Variants in ANKS1B observed in about 807,000 individuals in gnomAD.
ANKS1B encodes the protein ankyrin repeat and sterile alpha motif domain-containing protein 1B.
In ANKS1B, 36 loss-of-function variants were observed where a neutral mutation model predicts 148.3. The ratio of observed to expected loss-of-function variants is 0.24; its 90% confidence interval spans 0.19 to 0.32. ANKS1B has a LOEUF of 0.32. ANKS1B is among the 10% of genes least tolerant of loss of function. The pLI is 1.00. For missense variants in ANKS1B, 1,157 were observed against 1,542.6 expected (o/e 0.75, Z 4.19); for synonymous variants, 542 against 560.8 (o/e 0.97, Z 0.47).
intron 9 of ANKS1B, among the ~76,000 whole-genome samples, chr12:99,549,918 C>T (rs549217962): frequency 6.6e-6 from 1 of 152,194 alleles, no homozygotes; most frequent in Non-Finnish European, 1.5e-5. Context: ...AGCAGCTAAC[C>T]TCACTGTCCA....
At chr12:99,539,645 T>C (rs1008956389) in intron 9 of ANKS1B, among the ~76,000 whole-genome samples, 2 of 152,154 alleles carry the variant, frequency 1.3e-5, no homozygotes, top group Admixed American at 6.5e-5. Context: ...TACTACCTTA[T>C]CAACAATTAC....
intron 1 of ANKS1B, among the ~76,000 whole-genome samples, chr12:99,860,905 GC>G (rs1461023610): frequency 2.0e-5 from 3 of 152,146 alleles, no homozygotes; most frequent in Non-Finnish European, 4.4e-5. Context: ...AACTACATTT[GC>G]CCCAAGGCTG....
chr12:98,981,422 G>A lies in ANKS1B; in HGVS notation c.2778+71735C>T, dbSNP rs747879708. On this transcript the variant is annotated intron_variant, in intron 17 of 26. Transcript: ENST00000683438. ...ACGATGTCAGCTCACTGCAACATCC[G>A]CCTCCTGGGTTCAAGGGATTCTGCT... 1.6e-4 allele frequency among the ~76,000 whole-genome samples: 25 copies of A among 152,148 alleles called. No homozygotes were observed. The East Asian group carries it at 2.1e-3, about 13-fold the overall frequency.
chr12:99,870,780 C>G (rs1435338332), intron 1 of ANKS1B, among the ~76,000 whole-genome samples: 1 of 151,982 alleles, frequency 6.6e-6, no homozygotes, highest in African/African-American at 2.4e-5. Context: ...TTGGTTTTTG[C>G]TTTTTGAAAT....
chr12:99,003,224 T>G (rs2099934070), intron 17 of ANKS1B, among the ~76,000 whole-genome samples: 2 of 152,222 alleles, frequency 1.3e-5, no homozygotes, highest in South Asian at 2.1e-4. Flanking sequence ...CAAAGTGATT[T>G]AATTATGGTT....
At chr12:99,598,240 T>C (rs184462640) in intron 9 of ANKS1B, among the ~76,000 whole-genome samples, 3 of 152,216 alleles carry the variant, frequency 2.0e-5, no homozygotes, top group East Asian at 1.9e-4. Context: ...AGTGACTTAA[T>C]AGTAGCCAGG....
chr12:99,858,922 G>T (rs981632267), intron 1 of ANKS1B, among the ~76,000 whole-genome samples: 1 of 152,054 alleles, frequency 6.6e-6, no homozygotes, highest in South Asian at 2.1e-4. Flanking sequence ...TGGGTACAGC[G>T]TACACTCCTC....
intron 8 of ANKS1B, among the ~76,000 whole-genome samples, chr12:99,674,113 A>G (rs189184334): frequency 6.6e-6 from 1 of 152,006 alleles, no homozygotes; most frequent in Admixed American, 6.6e-5. Context: ...AAAGAAATAC[A>G]TGTCAAGAGA....
chr12:99,227,806 G>A (rs187037620), intron 14 of ANKS1B, among the ~76,000 whole-genome samples: 1 of 152,220 alleles, frequency 6.6e-6, no homozygotes, highest in African/African-American at 2.4e-5. Flanking sequence ...TCAGCGTAAG[G>A]TTAATTAAGA....
intron 8 of ANKS1B, among the ~76,000 whole-genome samples, chr12:99,766,512 C>T (rs1363408237): frequency 6.6e-6 from 1 of 152,078 alleles, no homozygotes; most frequent in African/African-American, 2.4e-5. Flanking sequence ...AATGTACCTA[C>T]AGTACATACG....
intron 17 of ANKS1B, among the ~76,000 whole-genome samples, chr12:98,941,485 C>CA (rs1259244378): frequency 6.6e-6 from 1 of 152,248 alleles, no homozygotes; most frequent in Admixed American, 6.5e-5. Context: ...ATGTATGCAT[C>CA]AGCCAACTCA....
At chr12:99,414,650 G>T (rs1178121820) in intron 11 of ANKS1B, among the ~76,000 whole-genome samples, 1 of 152,150 alleles carries the variant, frequency 6.6e-6, no homozygotes, top group Non-Finnish European at 1.5e-5. Context: ...GTGGACACAG[G>T]GAGGGAAACA....
At chr12:99,818,373 T>C (rs1602857609) in intron 2 of ANKS1B, among the ~76,000 whole-genome samples, 1 of 151,948 alleles carries the variant, frequency 6.6e-6, no homozygotes, top group East Asian at 1.9e-4. Flanking sequence ...TCTGCTGCTA[T>C]AAACATGCGT....
chr12:99,664,883 G>C lies in ANKS1B; in HGVS notation c.1129-9673C>G, dbSNP rs188132937. Reference sequence around the variant, plus strand: ...CACTATCTTTTCACCACAACCATTTGTTCCACGTTAGTAAAATTCACTCAG... The same window carrying C: ...CACTATCTTTTCACCACAACCATTTCTTCCACGTTAGTAAAATTCACTCAG... On this transcript the variant is annotated intron_variant, in intron 8 of 26. Coordinates refer to ENST00000683438, the MANE Select transcript of ANKS1B (RefSeq NM_001352186.2). Among the ~76,000 whole-genome samples, 73 of 152,266 alleles carry C rather than the reference G, an allele frequency of 4.8e-4. 1 individual carries two copies. The highest frequency in any genetic ancestry group is 4.3e-3 in the Admixed American group (65 of 15,294).
At chr12:99,674,969 T>C (rs2098555532) in intron 8 of ANKS1B, among the ~76,000 whole-genome samples, 2 of 151,964 alleles carry the variant, frequency 1.3e-5, no homozygotes, top group Admixed American at 1.3e-4. Flanking sequence ...AAGATCATTT[T>C]AAAAGTAGTA....
chr12:99,722,197 A>T (rs2058153126), intron 8 of ANKS1B, among the ~76,000 whole-genome samples: 1 of 152,240 alleles, frequency 6.6e-6, no homozygotes. Context: ...AGCTAAATTG[A>T]TAAAGGTGAC....
At position 99,134,645 on chromosome 12, in the gene ANKS1B, T is replaced by A. The variant is rs12814319; in HGVS notation, c.2526+19644A>T. On this transcript the variant is annotated intron_variant, in intron 15 of 26. Transcript: ENST00000683438. Reference sequence around the variant, plus strand: ...CCCTTTCTGTCTCTCTCTCTCTCTCTCACACACACACACACACACACACAC... The same window carrying A: ...CCCTTTCTGTCTCTCTCTCTCTCTCACACACACACACACACACACACACAC... Among the ~76,000 whole-genome samples, 998 of 104,992 alleles carry A rather than the reference T, an allele frequency of 9.5e-3. 7 individuals carry two copies. The highest frequency in any genetic ancestry group is 0.015 in the Middle Eastern group (3 of 198). The allele number at this position is 104,992 out of a possible 152,430, so 68.9% of individuals were successfully genotyped here.
chr12:99,456,722 A>T (rs1162677448), intron 10 of ANKS1B, among the ~76,000 whole-genome samples: 1 of 152,148 alleles, frequency 6.6e-6, no homozygotes, highest in African/African-American at 2.4e-5. Flanking sequence ...ATAAAGACAA[A>T]GAAAATTTTT....
At chr12:99,375,068 C>T (rs908220460) in intron 12 of ANKS1B, among the ~76,000 whole-genome samples, 1 of 152,170 alleles carries the variant, frequency 6.6e-6, no homozygotes, top group Non-Finnish European at 1.5e-5. Flanking sequence ...ATCACCTTAT[C>T]TTAAAGGCTA....
Sources: allele counts gnomAD v4.1 joint callset (sites outside exome capture counted in the v4.1 genomes callset), GRCh38; gene constraint gnomAD v4.1.1; transcripts MANE v1.5; gene names NCBI Gene and HGNC (gene_info 2026-07-23, HGNC 2026-07-21).